OTOG: variants seen among roughly 807,000 people sequenced by gnomAD.
OTOG encodes the protein otogelin.
A neutral mutation model predicts 313.8 loss-of-function variants in OTOG; 296 were observed. The observed-to-expected ratio is 0.94, with a 90% CI of 0.86 to 1.04. OTOG has a LOEUF of 1.04. Ranked by LOEUF, OTOG falls within the 50% of genes least tolerant of loss-of-function variation. The pLI, the probability that OTOG is intolerant of heterozygous loss-of-function variation, is 0.00. For synonymous variants in OTOG, 1,533 were observed against 1,554.9 expected (o/e 0.99, Z 0.33); for missense variants, 3,948 against 3,840.1 (o/e 1.03, Z -0.74).
intron 23 of OTOG, among the ~76,000 whole-genome samples, chr11:17,582,609 A>G (rs1348008703): frequency 6.6e-6 from 1 of 152,242 alleles, no homozygotes; most frequent in African/African-American, 2.4e-5. Flanking sequence ...TGACTGTTCC[A>G]CATCCTCACT....
chr11:17,635,528 A>C (rs888682883), intron 46 of OTOG, 82 bp from the exon 47 acceptor site: 3 of 1,091,604 alleles, frequency 2.7e-6, no homozygotes, highest in African/African-American at 3.1e-5. Context: ...GTTGTTGAGG[A>C]GGCCCCACCC....
chr11:17,583,146 T>G (rs999567586), intron 23 of OTOG, among the ~76,000 whole-genome samples: 1 of 152,032 alleles, frequency 6.6e-6, no homozygotes, highest in African/African-American at 2.4e-5. Flanking sequence ...ATTATTATTT[T>G]TTTTTACAGA....
intron 49 of OTOG, 132 bp downstream of exon 49, chr11:17,639,595 C>G (rs1304750929): frequency 1.1e-6 from 1 of 872,618 alleles, no homozygotes; most frequent in African/African-American, 1.7e-5. Context: ...CATTCTTTTC[C>G]CAAGCTCTGC....
intron 38 of OTOG, 143 bp from the exon 39 acceptor site, chr11:17,613,469 C>T: frequency 1.0e-5 from 7 of 673,296 alleles, no homozygotes; most frequent in Non-Finnish European, 1.8e-5. Context: ...ATCCTGGGCA[C>T]CATCAGCCCA....
intron 23 of OTOG, among the ~76,000 whole-genome samples, chr11:17,580,920 C>A (rs1281177849): frequency 1.3e-5 from 2 of 152,046 alleles, no homozygotes; most frequent in African/African-American, 2.4e-5. Flanking sequence ...TTCTTTCCTG[C>A]TTCCTCCCAC....
At chr11:17,583,299 A>C (rs1852716363) in intron 23 of OTOG, among the ~76,000 whole-genome samples, 1 of 151,980 alleles carries the variant, frequency 6.6e-6, no homozygotes, top group Non-Finnish European at 1.5e-5. Context: ...TATACCTGGC[A>C]AATTTTTTAA....
At chr11:17,572,900 A>C (rs1852434876) in intron 18 of OTOG, among the ~76,000 whole-genome samples, 178 bp from the exon 19 acceptor site, 1 of 152,146 alleles carries the variant, frequency 6.6e-6, no homozygotes, top group South Asian at 2.1e-4. Context: ...TCACACCCAG[A>C]TGTACTAAAC....
intron 11 of OTOG, 101 bp from the exon 12 acceptor site, chr11:17,559,433 A>G: frequency 6.9e-7 from 1 of 1,454,040 alleles, no homozygotes; most frequent in South Asian, 1.3e-5. Flanking sequence ...ATGAAAATCA[A>G]AGCCCTCCCT....
chr11:17,559,483 T>C, intron 11 of OTOG, 51 bp from the exon 12 acceptor site: 1 of 1,549,372 alleles, frequency 6.5e-7, no homozygotes, highest in Non-Finnish European at 8.7e-7. Context: ...AGCTGGGTCC[T>C]GGCAGAGCTG....
At chr11:17,640,652 G>A (rs1847948642) in intron 49 of OTOG, 93 bp from the exon 50 acceptor site, 3 of 1,325,902 alleles carry the variant, frequency 2.3e-6, no homozygotes, top group East Asian at 5.0e-5. Flanking sequence ...CCACAGGGAG[G>A]GACTGACGTA....
At chr11:17,557,393 T>C in intron 8 of OTOG, 70 bp downstream of exon 8, 1 of 1,441,712 alleles carries the variant, frequency 6.9e-7, no homozygotes, top group Non-Finnish European at 9.5e-7. Flanking sequence ...TGGGAGGGGT[T>C]GGAGGGGACT....
chr11:17,602,395 C>T lies in OTOG; in HGVS notation c.3877+18C>T. 1 of 1,544,172 alleles carries T rather than the reference C, an allele frequency of 6.5e-7. No homozygotes were observed. The highest frequency in any genetic ancestry group is 8.8e-7 in the Non-Finnish European group (1 of 1,142,712). On this transcript the variant is annotated intron_variant, in intron 32 of 55. Coordinates refer to ENST00000399397, the MANE Select transcript of OTOG (RefSeq NM_001292063.2). Reference sequence around the variant, plus strand: ...GGCCCATGGTAAGGCCCATCCCAGTCCCACTCCAGCTCTTCTGGGAGGCAG... The same window carrying T: ...GGCCCATGGTAAGGCCCATCCCAGTTCCACTCCAGCTCTTCTGGGAGGCAG...
chr11:17,555,495 A>T (rs1852037380), intron 6 of OTOG, among the ~76,000 whole-genome samples: 1 of 152,134 alleles, frequency 6.6e-6, no homozygotes, highest in Admixed American at 6.5e-5. Flanking sequence ...CGGAGATGGC[A>T]TGATTGACTG....
chr11:17,557,603 C>T (rs1852083421), intron 8 of OTOG, among the ~76,000 whole-genome samples: 1 of 152,052 alleles, frequency 6.6e-6, no homozygotes, highest in Admixed American at 6.6e-5. Context: ...GTGGGATTGA[C>T]CCTGCAATGT....
At chr11:17,619,361 T>G (rs915240987) in intron 39 of OTOG, among the ~76,000 whole-genome samples, 2 of 152,206 alleles carry the variant, frequency 1.3e-5, no homozygotes, top group Non-Finnish European at 2.9e-5. Flanking sequence ...GACAATCTCT[T>G]CCTTTTAATT....
At chr11:17,552,706 C>T (rs756297606) in intron 4 of OTOG, among the ~76,000 whole-genome samples, 1 of 148,814 alleles carries the variant, frequency 6.7e-6, no homozygotes, top group East Asian at 1.9e-4. Flanking sequence ...TCTCCTCCAT[C>T]GCCTGGTTAC....
At chr11:17,619,600 A>G (rs1853813029) in intron 39 of OTOG, among the ~76,000 whole-genome samples, 1 of 151,604 alleles carries the variant, frequency 6.6e-6, no homozygotes, top group South Asian at 2.1e-4. Context: ...ATGTAATTTT[A>G]CTTTGTCACA....
chr11:17,628,240 T>C (rs1258806149), intron 39 of OTOG, among the ~76,000 whole-genome samples: 1 of 152,164 alleles, frequency 6.6e-6, no homozygotes, highest in Non-Finnish European at 1.5e-5. Context: ...CTGTATCCTG[T>C]AGGTTTTGGT....
chr11:17,580,074 T>G (rs565655767), intron 23 of OTOG, among the ~76,000 whole-genome samples: 1 of 152,204 alleles, frequency 6.6e-6, no homozygotes, highest in African/African-American at 2.4e-5. Context: ...CCTAGGACCC[T>G]TGGGACCCAT....
Sources: gnomAD v4.1 joint callset for allele counts (sites outside exome capture counted in the v4.1 genomes callset) on GRCh38, gnomAD v4.1.1 for gene constraint, MANE v1.5 for transcripts, NCBI Gene and HGNC (gene_info 2026-07-23, HGNC 2026-07-21) for gene names.